The following TBC1D9 variants were observed in gnomAD, a reference collection of about 807,000 sequenced individuals.
TBC1D9 encodes the protein TBC1 domain family member 9, also known as TBC1 domain family member 9A.
A neutral mutation model predicts 132.0 loss-of-function variants in TBC1D9; 63 were observed. That is an observed-to-expected ratio of 0.48 (90% CI 0.39 to 0.59). The LOEUF (loss-of-function observed/expected upper bound fraction) is 0.59. Among genes scored for constraint, TBC1D9 ranks in the 20% least tolerant of loss-of-function variants. The pLI is 0.00. For synonymous variants in TBC1D9, 610 were observed against 609.9 expected (o/e 1.00, Z 0.00); for missense variants, 1,261 against 1,592.7 (o/e 0.79, Z 3.54).
At chr4:140,744,019 C>T (rs1464607678) in intron 1 of TBC1D9, among the ~76,000 whole-genome samples, 1 of 152,072 alleles carries the variant, frequency 6.6e-6, no homozygotes, top group African/African-American at 2.4e-5. Context: ...AGCATTCATT[C>T]CCACGGTTTC....
rs760005289 is a variant in TBC1D9 at position 140,670,762 on chromosome 4, A to G, written c.1224T>C (p.Ser408=). The G allele has an allele frequency of 8.7e-6, 14 of 1,614,032 alleles. No individual in the cohort carries two copies. In the African/African-American group the frequency reaches 1.3e-4, roughly 15 times the overall value. The change falls in exon 7 of 21, where the codon TCT becomes TCC. Residue 408 remains serine, a synonymous_variant. Coordinates refer to ENST00000442267, the MANE Select transcript of TBC1D9 (RefSeq NM_015130.3). ...FLQQTTSKIY[S]DKEFAGSYNS... ...TGTAACTTCCTGCAAACTCCTTGTC[A>G]GAATATATTTTGGAAGTAGTCTGTT... is the stretch of plus-strand genomic sequence containing the variant.
intron 2 of TBC1D9, among the ~76,000 whole-genome samples, chr4:140,692,752 G>A (rs1306077041): frequency 2.0e-5 from 3 of 152,116 alleles, no homozygotes; most frequent in African/African-American, 7.2e-5. Context: ...GGGCACGGTG[G>A]CTCACACCTG....
intron 4 of TBC1D9, 109 bp downstream of exon 4, chr4:140,679,506 C>A: frequency 2.4e-6 from 2 of 817,104 alleles, no homozygotes; most frequent in East Asian, 5.4e-5. Flanking sequence ...TTAGTATTGA[C>A]TTAGTTATAA....
At chr4:140,678,338 A>T (rs1737655850) in intron 5 of TBC1D9, among the ~76,000 whole-genome samples, 1 of 152,170 alleles carries the variant, frequency 6.6e-6, no homozygotes, top group African/African-American at 2.4e-5. Flanking sequence ...TCCCTTGGAC[A>T]TGCTCTTCCT....
At chr4:140,672,433 A>G (rs1737552738) in intron 6 of TBC1D9, among the ~76,000 whole-genome samples, 1 of 152,142 alleles carries the variant, frequency 6.6e-6, no homozygotes, top group Non-Finnish European at 1.5e-5. Context: ...TTATTTTTTA[A>G]AATCCACAAA....
chr4:140,722,933 C>A (rs1738446561), intron 1 of TBC1D9, among the ~76,000 whole-genome samples: 2 of 152,114 alleles, frequency 1.3e-5, no homozygotes, highest in Admixed American at 6.5e-5. Context: ...TCTCAATCCC[C>A]CTTTTTCTTT....
At chr4:140,633,855 C>T in intron 16 of TBC1D9, 93 bp downstream of exon 16, 1 of 1,489,976 alleles carries the variant, frequency 6.7e-7, no homozygotes, top group Non-Finnish European at 9.1e-7. Context: ...CAAACCTCCC[C>T]TTGTGCTTCT....
chr4:140,727,978 A>G (rs890392992), intron 1 of TBC1D9, among the ~76,000 whole-genome samples: 4 of 152,238 alleles, frequency 2.6e-5, no homozygotes, highest in Admixed American at 1.3e-4. Flanking sequence ...ATTTTCTTTA[A>G]GAAATCATAG....
chr4:140,623,065 C>T (rs750463711), intron 20 of TBC1D9, 148 bp from the exon 21 acceptor site: 11 of 955,492 alleles, frequency 1.2e-5, no homozygotes, highest in Non-Finnish European at 1.4e-5. Context: ...TTTAAAGTCT[C>T]CTATTGATGT....
At chr4:140,637,888 G>T (rs1736906159) in intron 15 of TBC1D9, among the ~76,000 whole-genome samples, 2 of 152,180 alleles carry the variant, frequency 1.3e-5, no homozygotes, top group Non-Finnish European at 2.9e-5. Flanking sequence ...AAAATGCAGG[G>T]ACTGTGTTAT....
chr4:140,706,520 C>CT lies in TBC1D9; in HGVS notation c.131-4907dup, dbSNP rs1380611566. 2.0e-5 allele frequency among the ~76,000 whole-genome samples: 3 copies of CT among 151,634 alleles called. No homozygotes were observed. Among genetic ancestry groups the CT allele is most frequent in the Admixed American group, 6.6e-5 (1 of 15,218 alleles). ...CAAAATACATGTACCACTACTCTGA[C>CT]TTTTTTAACACTTTGCCTTACCTGC... On this transcript the variant is annotated intron_variant, in intron 1 of 20. Transcript: ENST00000442267. This position sits in a 1 kb window ranked among gnomAD's most constrained non-coding sequence, Gnocchi z 4.0.
At chr4:140,645,526 G>A (rs1737090385) in intron 13 of TBC1D9, 1 of 350,642 alleles carries the variant, frequency 2.9e-6, no homozygotes, top group Non-Finnish European at 5.6e-6. Flanking sequence ...TCTTGCGAGA[G>A]CCTCTATATA....
chr4:140,662,605 C>T (rs1194809278), intron 9 of TBC1D9, among the ~76,000 whole-genome samples: 1 of 152,098 alleles, frequency 6.6e-6, no homozygotes, highest in East Asian at 1.9e-4. Context: ...GTTTAATAGC[C>T]ATATTGAGGG....
At chr4:140,623,031 C>T in intron 20 of TBC1D9, 114 bp from the exon 21 acceptor site, 1 of 1,304,426 alleles carries the variant, frequency 7.7e-7, no homozygotes, top group Non-Finnish European at 1.0e-6. Context: ...CTGGAAAGTC[C>T]TCCGCCTAGG....
At chr4:140,737,977 T>A (rs1738701263) in intron 1 of TBC1D9, among the ~76,000 whole-genome samples, 1 of 152,230 alleles carries the variant, frequency 6.6e-6, no homozygotes, top group Admixed American at 6.5e-5. Flanking sequence ...TTTCAAGTAC[T>A]GCTAAAAGAA....
intron 9 of TBC1D9, among the ~76,000 whole-genome samples, chr4:140,663,589 C>T (rs1470036048): frequency 1.3e-5 from 2 of 152,096 alleles, no homozygotes; most frequent in Admixed American, 6.6e-5. Context: ...TATCTGCATC[C>T]TATGTTTATT....
At position 140,676,876 on chromosome 4, in the gene TBC1D9, T is replaced by G. The variant is rs756858343; in HGVS notation, c.1059+18A>C. 52 of 1,610,540 alleles carry G rather than the reference T, an allele frequency of 3.2e-5. No individual in the cohort carries two copies. The Middle Eastern group carries it at 6.6e-4, about 20-fold the overall frequency. ...TTACAAATGAAACTTAAAATATCAATTTTTATCAGATACTTACCTCACGGA... is the reference window on the plus strand; with the variant it reads ...TTACAAATGAAACTTAAAATATCAAGTTTTATCAGATACTTACCTCACGGA... On this transcript the variant is annotated intron_variant, in intron 6 of 20. Coordinates refer to ENST00000442267, the MANE Select transcript of TBC1D9 (RefSeq NM_015130.3).
At chr4:140,701,825 G>A (rs1738074404) in intron 1 of TBC1D9, among the ~76,000 whole-genome samples, 1 of 148,808 alleles carries the variant, frequency 6.7e-6, no homozygotes, top group South Asian at 2.2e-4. Context: ...GTGTCCATCT[G>A]ATTCAGTCTG....
chr4:140,694,248 A>C (rs972439674), intron 2 of TBC1D9, among the ~76,000 whole-genome samples: 1 of 152,208 alleles, frequency 6.6e-6, no homozygotes, highest in Non-Finnish European at 1.5e-5. Flanking sequence ...TAGATAATTT[A>C]TGTTACATTC....
Sources: gnomAD v4.1 joint callset for allele counts (sites outside exome capture counted in the v4.1 genomes callset) on GRCh38, gnomAD v4.1.1 for gene constraint, Gnocchi (gnomAD v3.1) non-coding constraint, MANE v1.5 for transcripts, NCBI Gene and HGNC (gene_info 2026-07-23, HGNC 2026-07-21) for gene names.